The following CELA3B variants were observed in gnomAD, a reference collection of about 807,000 sequenced individuals.
The protein encoded by CELA3B is chymotrypsin-like elastase family member 3B.
CELA3B carries 34 observed loss-of-function variants against 37.2 expected under a neutral mutation model. The ratio of observed to expected loss-of-function variants is 0.91; its 90% CI spans 0.70 to 1.22. CELA3B has a LOEUF of 1.22. Ranked by LOEUF, CELA3B falls within the 50% of genes most tolerant of loss-of-function variation. CELA3B has a pLI of 0.00. For missense variants in CELA3B, 340 were observed against 363.1 expected, an observed-to-expected ratio of 0.94 and a Z score of 0.52; for synonymous variants, 127 against 143.5, an observed-to-expected ratio of 0.89 and a Z score of 0.82.
chr1:21,981,928 T>C, intron 4 of CELA3B, among the ~76,000 whole-genome samples: 1 of 151,984 alleles, frequency 6.6e-6, no homozygotes, highest in Non-Finnish European at 1.5e-5. Flanking sequence ...GGTTTCACCG[T>C]GTTAGCCAGG....
downstream of CELA3B, among the ~76,000 whole-genome samples, chr1:21,990,081 C>T (rs1440568816): frequency 8.6e-5 from 13 of 150,432 alleles, 1 homozygote; most frequent in South Asian, 2.1e-3. Flanking sequence ...GGGAAGAGCC[C>T]CTTATAAAAC....
intron 7 of CELA3B, among the ~76,000 whole-genome samples, chr1:21,988,451 C>T (rs1403027713): frequency 2.6e-5 from 4 of 151,308 alleles, no homozygotes; most frequent in South Asian, 2.1e-4. Flanking sequence ...ATTGGCTGGG[C>T]GTGGTGCTGC....
downstream of CELA3B, among the ~76,000 whole-genome samples, chr1:21,989,650 C>A (rs1490311350): frequency 1.3e-5 from 2 of 150,524 alleles, no homozygotes; most frequent in Non-Finnish European, 2.9e-5. Flanking sequence ...CTTTTCAATG[C>A]AGGCATATAA....
rs143622107 is a variant in CELA3B, at chr1:21,981,187, C to G, written c.362+15C>G. On this transcript the variant is annotated intron_variant, in intron 4 of 7. Coordinates refer to ENST00000337107, the MANE Select transcript of CELA3B (RefSeq NM_007352.4). ...GTGGCCTGTGGGTGAGTGAATGCTC[C>G]GGTCTGGAACCCAGAGGCTCCTCTA... is the stretch of plus-strand genomic sequence containing the variant. The G allele has an allele frequency of 1.2e-6, 2 of 1,610,010 alleles. No homozygotes were observed. Among genetic ancestry groups the G allele is most frequent in the African/African-American group, 2.7e-5 (2 of 74,576 alleles).
chr1:21,977,678 A>C (rs1264905682), intron 1 of CELA3B, among the ~76,000 whole-genome samples: 4 of 152,208 alleles, frequency 2.6e-5, no homozygotes, highest in African/African-American at 9.6e-5. Flanking sequence ...TCAAGGAAGT[A>C]AAGTAGCTTA....
downstream of CELA3B, among the ~76,000 whole-genome samples, chr1:21,991,993 G>A (rs1266321196): frequency 2.0e-5 from 3 of 150,824 alleles, no homozygotes; most frequent in Admixed American, 2.0e-4. Context: ...GGTGGTGGGT[G>A]CCTGTAATCC....
chr1:21,987,384 G>A (rs555762274), intron 7 of CELA3B: 16 of 176,374 alleles, frequency 9.1e-5, no homozygotes, highest in Admixed American at 2.3e-4. Context: ...CCTGGGAGAC[G>A]GAGGTTGCAG....
At chr1:21,979,463 T>C (rs1256446602) in intron 2 of CELA3B, among the ~76,000 whole-genome samples, 3 of 146,974 alleles carry the variant, frequency 2.0e-5, no homozygotes, top group Non-Finnish European at 4.5e-5. Context: ...CTTTTTTTTT[T>C]TTTTTTTGAG....
At chr1:21,997,768 G>T (rs1003738935) in intron 4 of CELA3B, among the ~76,000 whole-genome samples, 1 of 151,088 alleles carries the variant, frequency 6.6e-6, no homozygotes, top group African/African-American at 2.4e-5. Flanking sequence ...TCTATACCAG[G>T]CTGGTTTATG....
chr1:21,995,057 G>A (rs12405048), intron 4 of CELA3B, among the ~76,000 whole-genome samples: 29,140 of 145,222 alleles, frequency 0.2, 4,231 homozygotes, highest in East Asian at 0.39. Flanking sequence ...AGAGTGTCCT[G>A]TTGTTTGCAT....
downstream of CELA3B, among the ~76,000 whole-genome samples, chr1:21,991,476 C>T (rs1369444407): frequency 1.3e-5 from 2 of 150,768 alleles, no homozygotes; most frequent in Admixed American, 6.6e-5. Context: ...GCTGGGACTA[C>T]AGGCGCATGC....
At chr1:21,988,099 C>G (rs1198897996) in intron 7 of CELA3B, among the ~76,000 whole-genome samples, 1 of 151,116 alleles carries the variant, frequency 6.6e-6, no homozygotes, top group Non-Finnish European at 1.5e-5. Flanking sequence ...GTGGTCCCAG[C>G]TACTCAGGAG....
intron 2 of CELA3B, among the ~76,000 whole-genome samples, chr1:21,979,978 A>G (rs568784639): frequency 0.055 from 2,331 of 42,138 alleles, 274 homozygotes; most frequent in Non-Finnish European, 0.077. Flanking sequence ...CAAACAATAC[A>G]GAAATGAATG....
chr1:21,993,983 T>C (rs1369996596), downstream of CELA3B, among the ~76,000 whole-genome samples: 1 of 148,608 alleles, frequency 6.7e-6, no homozygotes, highest in African/African-American at 2.5e-5. Flanking sequence ...CTTCAAACCG[T>C]TTCCCACTCA....
chr1:21,982,054 A>T (rs10917095), intron 4 of CELA3B, among the ~76,000 whole-genome samples: 1 of 152,080 alleles, frequency 6.6e-6, no homozygotes, highest in Admixed American at 6.6e-5. Context: ...CTGAGTGGCT[A>T]AGACTTTTTT....
In CELA3B at chr1:21,984,300, G is replaced by A. The variant is rs765976370; in HGVS notation, c.611G>A (p.Cys204Tyr). 1 of 1,614,092 alleles carries A rather than the reference G, an allele frequency of 6.2e-7. No individual in the cohort carries two copies. Among genetic ancestry groups the A allele is most frequent in the Non-Finnish European group, 8.5e-7 (1 of 1,180,000 alleles). The change falls in exon 6 of 8, where the codon TGT (cysteine) becomes TAT (tyrosine). Residue 204 changes from cysteine to tyrosine, a missense_variant. By Grantham distance (194) the Cys-to-Tyr change is radical. Coordinates refer to ENST00000337107, the MANE Select transcript of CELA3B (RefSeq NM_007352.4). ...WGSSVKKTMV[C>Y]AGGDIRSGCN... ...TCCTCCGTGAAGAAGACCATGGTGT[G>A]TGCTGGAGGGGACATCCGCTCCGGC...
downstream of CELA3B, among the ~76,000 whole-genome samples, chr1:21,991,454 G>T (rs1644868094): frequency 6.6e-6 from 1 of 150,420 alleles, no homozygotes; most frequent in African/African-American, 2.5e-5. Context: ...TCCTGCCTCA[G>T]CCTCCCAAGC....
At chr1:21,994,816 A>G (rs1644883263) in intron 4 of CELA3B, among the ~76,000 whole-genome samples, 1 of 150,476 alleles carries the variant, frequency 6.6e-6, no homozygotes, top group Non-Finnish European at 1.5e-5. Flanking sequence ...CCTGGGCAAC[A>G]TGGCGAAACC....
Position 21,989,151 on chromosome 1 carries a change from A to G in CELA3B, c.796-111A>G, listed in dbSNP as rs1211912401. ...AGGAAACTGAGGCTCAGAGAGGTCA[A>G]TTCCTCTCCCAGGGTCACACAGCAG... On this transcript the variant is annotated intron_variant, in intron 7 of 7. Coordinates refer to ENST00000337107, the MANE Select transcript of CELA3B (RefSeq NM_007352.4). 27 of 1,597,470 alleles carry G rather than the reference A, an allele frequency of 1.7e-5. No individual in the cohort carries two copies. The Middle Eastern group carries it at 8.3e-4, about 49-fold the overall frequency.
Sources: allele counts gnomAD v4.1 joint callset (sites outside exome capture counted in the v4.1 genomes callset), GRCh38; gene constraint gnomAD v4.1.1; transcripts MANE v1.5; gene names NCBI Gene and HGNC (gene_info 2026-07-23, HGNC 2026-07-21).